Variants in JAKMIP1 observed in about 807,000 individuals in gnomAD.
JAKMIP1 encodes janus kinase and microtubule-interacting protein 1.
JAKMIP1 carries 33 observed loss-of-function variants against 113.0 expected under a neutral mutation model. The observed-to-expected ratio is 0.29, with a 90% CI of 0.22 to 0.39. JAKMIP1 has a LOEUF of 0.39. Among genes scored for constraint, JAKMIP1 ranks in the 10% least tolerant of loss-of-function variants. The pLI, the probability that JAKMIP1 is intolerant of heterozygous loss-of-function variation, is 1.00. For synonymous variants in JAKMIP1, 480 were observed against 459.9 expected, an observed-to-expected ratio of 1.04 and a Z score of -0.56; for missense variants, 813 against 1,080.5, an observed-to-expected ratio of 0.75 and a Z score of 3.47.
rs565041539 is a variant in JAKMIP1, at chr4:6,132,561, G to C, written c.-147-19564C>G. On this transcript the variant is annotated intron_variant, in intron 1 of 20. Transcript: ENST00000409021. ...GGAGGCTGAGGCAGGAGGATCGCTT[G>C]AATCTGGGATGTGGAGGTTGCAGTG... 2.9e-3 allele frequency among the ~76,000 whole-genome samples: 444 copies of C among 151,386 alleles called. 5 individuals carry two copies. Among genetic ancestry groups the C allele is most frequent in the African/African-American group, 0.01 (424 of 41,100 alleles).
In JAKMIP1 at chr4:6,197,928, G is replaced by A. The variant is rs912082780; in HGVS notation, c.-148+2325C>T. 6.6e-6 allele frequency among the ~76,000 whole-genome samples: 1 copy of A among 152,208 alleles called. No individual in the cohort carries two copies. Among genetic ancestry groups the A allele is most frequent in the Non-Finnish European group, 1.5e-5 (1 of 68,032 alleles). On this transcript the variant is annotated intron_variant, in intron 1 of 20. Transcript: ENST00000409021. This position sits in a 1 kb window ranked among gnomAD's most constrained non-coding sequence, Gnocchi z 6.5. ...TCCACCCTTACACACCAAGAGAGTG[G>A]GGCCACGGTCCTGCCACTTCCTCGT... is the stretch of plus-strand genomic sequence containing the variant.
Position 6,106,068 on chromosome 4 carries a change from C to A in JAKMIP1, c.130-101G>T. On this transcript the variant is annotated intron_variant, in intron 2 of 20. Coordinates refer to ENST00000409021, the MANE Select transcript of JAKMIP1 (RefSeq NM_001099433.2). This position sits in a 1 kb window ranked among gnomAD's most constrained non-coding sequence, Gnocchi z 5.9. ...GAGCTGGCCACAGCCTCCCCACGCC[C>A]AAGACACCCACCTGGGCCCACGTTC... 3.9e-6 allele frequency: 3 copies of A among 765,600 alleles called. No homozygotes were observed. Among genetic ancestry groups the A allele is most frequent in the Non-Finnish European group, 6.2e-6 (3 of 482,946 alleles). 47.4% of individuals were successfully genotyped at this position (765,600 alleles called of 1,614,324 possible). A position where few individuals can be genotyped will look rare whatever the true frequency, so the allele number is the denominator to read the frequency against.
At position 6,136,432 on chromosome 4, in the gene JAKMIP1, G is replaced by A. The variant is rs1036453161; in HGVS notation, c.-147-23435C>T. 4.6e-5 allele frequency among the ~76,000 whole-genome samples: 7 copies of A among 152,026 alleles called. No individual in the cohort carries two copies. Among genetic ancestry groups the A allele is most frequent in the African/African-American group, 1.4e-4 (6 of 41,380 alleles). ...GGAATGAAGGAAGCAAAGCCACGACGTTGAGGGACCTGCTGGAAGGAACTC... is the reference window on the plus strand; with the variant it reads ...GGAATGAAGGAAGCAAAGCCACGACATTGAGGGACCTGCTGGAAGGAACTC... On this transcript the variant is annotated intron_variant, in intron 1 of 20. Transcript: ENST00000409021. This position sits in a 1 kb window ranked among gnomAD's most constrained non-coding sequence, Gnocchi z 5.9.
chr4:6,108,592 G>A lies in JAKMIP1; in HGVS notation c.130-2625C>T, dbSNP rs1345233300. Among the ~76,000 whole-genome samples the A allele has an allele frequency of 6.6e-6, 1 of 151,938 alleles. No individual in the cohort carries two copies. Among genetic ancestry groups the A allele is most frequent in the African/African-American group, 2.4e-5 (1 of 41,350 alleles). On this transcript the variant is annotated intron_variant, in intron 2 of 20. Transcript: ENST00000409021. The surrounding 1 kb of genome is among the most constrained non-coding windows in gnomAD (Gnocchi z 5.6). ...AGCAGCACTGGCTCTCCATGTCCAGGCCTGGCCACTTCCCCACTTCCCCCT... is the reference window on the plus strand; with the variant it reads ...AGCAGCACTGGCTCTCCATGTCCAGACCTGGCCACTTCCCCACTTCCCCCT...
intron 20 of JAKMIP1, among the ~76,000 whole-genome samples, chr4:6,027,004 G>C (rs906694255): frequency 1.3e-5 from 2 of 151,652 alleles, no homozygotes; most frequent in African/African-American, 2.4e-5. Context: ...ATCTTTACCA[G>C]GGTTCTTTCT....
intron 3 of JAKMIP1, among the ~76,000 whole-genome samples, chr4:6,091,354 GAGTA>G (rs1722035747): frequency 6.6e-6 from 1 of 152,044 alleles, no homozygotes; most frequent in African/African-American, 2.4e-5. Context: ...CAAATACACA[GAGTA>G]TTTTTTCCCC....
At chr4:6,126,781 A>G (rs1179942978) in intron 1 of JAKMIP1, among the ~76,000 whole-genome samples, 3 of 150,632 alleles carry the variant, frequency 2.0e-5, no homozygotes, top group African/African-American at 7.3e-5. Flanking sequence ...CCACACCCAT[A>G]CACCACTCAC....
intron 1 of JAKMIP1, among the ~76,000 whole-genome samples, chr4:6,125,783 AACAC>A (rs766499406): frequency 1.4e-5 from 2 of 141,560 alleles, no homozygotes; most frequent in African/African-American, 2.7e-5. Context: ...ACCATGCAGA[AACAC>A]ACACACACCA....
At position 6,113,017 on chromosome 4, in the gene JAKMIP1, T is replaced by A; in HGVS notation, c.-147-20A>T. The A allele has an allele frequency of 9.2e-7, 1 of 1,088,178 alleles. No homozygotes were observed. The highest frequency in any genetic ancestry group is 1.3e-6 in the Non-Finnish European group (1 of 787,784). 67.4% of individuals were successfully genotyped at this position (1,088,178 alleles called of 1,614,324 possible). A position where few individuals can be genotyped will look rare whatever the true frequency, so the allele number is the denominator to read the frequency against. ...GGGATCCTGAAGGAAGGAGGGAAACTGAGTTAGCAGAGACAGAAGGGTGGG... is the reference window on the plus strand; with the variant it reads ...GGGATCCTGAAGGAAGGAGGGAAACAGAGTTAGCAGAGACAGAAGGGTGGG... On this transcript the variant is annotated intron_variant, in intron 1 of 20. Coordinates refer to ENST00000409021, the MANE Select transcript of JAKMIP1 (RefSeq NM_001099433.2).
chr4:6,044,799 C>A lies in JAKMIP1; in HGVS notation c.2029-2572G>T, dbSNP rs937277859. Among the ~76,000 whole-genome samples the A allele has an allele frequency of 9.2e-5, 14 of 152,210 alleles. No homozygotes were observed. Among genetic ancestry groups the A allele is most frequent in the African/African-American group, 3.4e-4 (14 of 41,452 alleles). ...GGAGAGAACATGAAAGCAGAGAGAG[C>A]TGGCCATGAGGACCCCCGACCACGT... On this transcript the variant is annotated intron_variant, in intron 16 of 20. Transcript: ENST00000409021. The surrounding 1 kb of genome is among the most constrained non-coding windows in gnomAD (Gnocchi z 4.4).
Position 6,105,930 on chromosome 4 carries a change from A to C in JAKMIP1, c.167T>G (p.Leu56Arg). 1 of 1,609,262 alleles carries C rather than the reference A, an allele frequency of 6.2e-7. No homozygotes were observed. The highest frequency in any genetic ancestry group is 8.5e-7 in the Non-Finnish European group (1 of 1,178,608). ...CCGTCGCTGCTCCTGCTCGCGCTCCAGCTTCGCCTCCTGCAGCCGCTCGCG... is the reference window on the plus strand; with the variant it reads ...CCGTCGCTGCTCCTGCTCGCGCTCCCGCTTCGCCTCCTGCAGCCGCTCGCG... ...KLRERLQEAK[L>R]EREQEQRRHT... is the part of the protein sequence containing the mutation. Residue 56 changes from leucine (L) to arginine (R), a missense_variant, in exon 3 of 21, where the codon CTG becomes CGG. Physicochemically the swap from Leu to Arg is moderately radical, Grantham distance 102. Around this residue, in one of 2 missense-constraint regions of JAKMIP1, gnomAD observed 540 missense variants for 653.9 expected, o/e 0.83. Coordinates refer to ENST00000409021, the MANE Select transcript of JAKMIP1 (RefSeq NM_001099433.2).
chr4:6,053,906 AAAAGAAAG>A (rs574362085), intron 13 of JAKMIP1, 136 bp downstream of exon 13: 20 of 1,532,056 alleles, frequency 1.3e-5, no homozygotes, highest in East Asian at 2.3e-5. Context: ...TTTAAAAAAA[AAAAGAAAG>A]AAAGAAAGAA....
intron 11 of JAKMIP1, among the ~76,000 whole-genome samples, chr4:6,058,007 A>G (rs1174294922): frequency 6.6e-6 from 1 of 152,248 alleles, no homozygotes; most frequent in Non-Finnish European, 1.5e-5. Context: ...ATAACTAAGT[A>G]TTGGGGTGGT....
intron 8 of JAKMIP1, among the ~76,000 whole-genome samples, chr4:6,068,423 C>A (rs1340634300): frequency 1.3e-5 from 2 of 152,082 alleles, no homozygotes; most frequent in Non-Finnish European, 2.9e-5. Flanking sequence ...AAAGGGCAGT[C>A]CAATTTGAAT....
At chr4:6,101,900 A>G (rs985042555) in intron 3 of JAKMIP1, among the ~76,000 whole-genome samples, 4 of 40,828 alleles carry the variant, frequency 9.8e-5, no homozygotes, top group East Asian at 1.6e-3. Flanking sequence ...AGCAAGACTC[A>G]GTTAAAAAAA....
rs76516853 is a variant in JAKMIP1 at position 6,167,828 on chromosome 4, C to T, written c.-148+32425G>A. On this transcript the variant is annotated intron_variant, in intron 1 of 20. Transcript: ENST00000409021. The surrounding 1 kb of genome is among the most constrained non-coding windows in gnomAD (Gnocchi z 5.3). Reference sequence around the variant, plus strand: ...GCATCTCAACTTGAAAATTAAAAGACATCTGAGTGCACTGAATGCTTCGGT... The same window carrying T: ...GCATCTCAACTTGAAAATTAAAAGATATCTGAGTGCACTGAATGCTTCGGT... Among the ~76,000 whole-genome samples the T allele has an allele frequency of 0.036, 5,444 of 152,318 alleles. 115 individuals carry two copies. The highest frequency in any genetic ancestry group is 0.05 in the Non-Finnish European group (3,417 of 68,034).
chr4:6,103,941 T>C (rs1013581004), intron 3 of JAKMIP1, among the ~76,000 whole-genome samples: 1 of 152,226 alleles, frequency 6.6e-6, no homozygotes, highest in African/African-American at 2.4e-5. Context: ...ATTTGTTGAT[T>C]TTCTTTATTG....
At position 6,036,076 on chromosome 4, in the gene JAKMIP1, G is replaced by A. The variant is rs758064918; in HGVS notation, c.2207C>T (p.Thr736Ile). ...CCGCCCCGGCTCCTGCTGCAGCGCTGTGTACAGTGTGGCCTCCAGGTCTTG... is the reference window on the plus strand; with the variant it reads ...CCGCCCCGGCTCCTGCTGCAGCGCTATGTACAGTGTGGCCTCCAGGTCTTG... ...KIQDLEATLY[T>I]ALQQEPGRRA... The change falls in exon 19 of 21, where the codon ACA becomes ATA. Residue 736 changes from threonine (T) to isoleucine (I), a missense_variant. Coordinates refer to ENST00000409021, the MANE Select transcript of JAKMIP1 (RefSeq NM_001099433.2). 69 of 1,557,340 alleles carry A rather than the reference G, an allele frequency of 4.4e-5. No individual in the cohort carries two copies. The highest frequency in any genetic ancestry group is 6.0e-5 in the Non-Finnish European group (69 of 1,150,054).
At position 6,140,161 on chromosome 4, in the gene JAKMIP1, G is replaced by C. The variant is rs1423210181; in HGVS notation, c.-147-27164C>G. On this transcript the variant is annotated intron_variant, in intron 1 of 20. Coordinates refer to ENST00000409021, the MANE Select transcript of JAKMIP1 (RefSeq NM_001099433.2). The surrounding 1 kb of genome is among the most constrained non-coding windows in gnomAD (Gnocchi z 9.4). ...TGGAGACCAATTTCATACACACAGG[G>C]GAGAAAGGCTGACAGCGGCAGAAAC... Among the ~76,000 whole-genome samples the C allele has an allele frequency of 1.3e-5, 2 of 152,128 alleles. No individual in the cohort carries two copies. The highest frequency in any genetic ancestry group is 3.9e-4 in the East Asian group (2 of 5,194).
Sources: gnomAD v4.1 joint callset for allele counts (sites outside exome capture counted in the v4.1 genomes callset) on GRCh38, gnomAD v4.1.1 for gene constraint, gnomAD v4.1.1 regional missense constraint, Gnocchi (gnomAD v3.1) non-coding constraint, MANE v1.5 for transcripts, NCBI Gene and HGNC (gene_info 2026-07-23, HGNC 2026-07-21) for gene names.